Variants in NT5DC3 observed in about 807,000 individuals in gnomAD.
NT5DC3 encodes 5'-nucleotidase domain containing 3.
In NT5DC3, 42 loss-of-function variants were observed where a neutral mutation model predicts 67.8. The ratio of observed to expected loss-of-function variants is 0.62; its 90% CI spans 0.48 to 0.80. The LOEUF (loss-of-function observed/expected upper bound fraction) is 0.80, where lower values mean the gene tolerates loss of function less well. Among genes scored for constraint, NT5DC3 ranks in the 30% least tolerant of loss-of-function variants. The pLI, the probability that NT5DC3 is intolerant of heterozygous loss-of-function variation, is 0.00. For missense variants in NT5DC3, 570 were observed against 696.4 expected, an observed-to-expected ratio of 0.82 and a Z score of 2.04; for synonymous variants, 237 against 255.6, an observed-to-expected ratio of 0.93 and a Z score of 0.69.
the NT5DC3 span, chr12:103,755,443 G>C: frequency 2.5e-6 from 4 of 1,614,108 alleles, no homozygotes; most frequent in Non-Finnish European, 3.4e-6. Flanking sequence ...TGAAATGTGG[G>C]ATGTCTTCTG....
the NT5DC3 span, chr12:103,748,922 A>G: frequency 1.3e-4 from 210 of 1,583,296 alleles, 1 homozygote; most frequent in East Asian, 4.7e-3. Context: ...CTAGTTCCAC[A>G]GAAGGTGGTA....
chr12:103,787,532 A>G lies in NT5DC3; in HGVS notation c.1102-5T>C. The G allele has an allele frequency of 2.7e-6, 4 of 1,501,370 alleles. No homozygotes were observed. The highest frequency in any genetic ancestry group is 1.2e-5 in the South Asian group (1 of 84,604). 93.0% of individuals were successfully genotyped at this position (1,501,370 alleles called of 1,614,324 possible). ...CAAAAATTCATATAAATTACCCTGT[A>G]ATCAGAGAAAACTATAGTTATTATT... On this transcript the variant is annotated splice_polypyrimidine_tract_variant and splice_region_variant and intron_variant, in intron 10 of 13. Transcript: ENST00000392876.
intron 5 of NT5DC3, 111 bp from the exon 6 acceptor site, chr12:103,797,142 T>C (rs1187641154): frequency 3.5e-6 from 4 of 1,134,834 alleles, no homozygotes; most frequent in African/African-American, 3.1e-5. Context: ...CGAGATCCCA[T>C]CATCAACACA....
At chr12:103,784,612 G>A (rs1015975376) in intron 12 of NT5DC3, among the ~76,000 whole-genome samples, 1 of 152,256 alleles carries the variant, frequency 6.6e-6, no homozygotes, top group Non-Finnish European at 1.5e-5. Flanking sequence ...CACCCATGCT[G>A]AGACGGCTGT....
At chr12:103,814,092 T>G (rs57173983) in intron 2 of NT5DC3, among the ~76,000 whole-genome samples, 15,468 of 152,236 alleles carry the variant, frequency 0.1, 1,106 homozygotes, top group East Asian at 0.29. Context: ...TCTACCCACG[T>G]GACCGACGAC....
intron 1 of NT5DC3, among the ~76,000 whole-genome samples, chr12:103,837,652 C>T (rs962571249): frequency 7.2e-5 from 11 of 152,258 alleles, no homozygotes; most frequent in African/African-American, 2.7e-4. Flanking sequence ...TGCCGCCAAC[C>T]TCTTTGCTAA....
chr12:103,809,444 GTGAGTGACTATA>G (rs1294681667), intron 2 of NT5DC3, among the ~76,000 whole-genome samples: 1 of 152,204 alleles, frequency 6.6e-6, no homozygotes, highest in Non-Finnish European at 1.5e-5. Context: ...AAAGACCACA[GTGAGTGACTATA>G]TGAGTCCGTT....
At chr12:103,787,301 G>C (rs979031117) in intron 11 of NT5DC3, 140 bp downstream of exon 11, 1 of 445,132 alleles carries the variant, frequency 2.2e-6, no homozygotes, top group African/African-American at 2.0e-5. Context: ...CCTACTTTTA[G>C]GTTTTATGAA....
At chr12:103,801,714 T>G (rs1386139958) in intron 4 of NT5DC3, among the ~76,000 whole-genome samples, 2 of 152,070 alleles carry the variant, frequency 1.3e-5, no homozygotes, top group Non-Finnish European at 2.9e-5. Context: ...ATTTAACACA[T>G]TAGGGCAGAG....
chr12:103,811,062 A>C (rs1357656300), intron 2 of NT5DC3, among the ~76,000 whole-genome samples: 2 of 152,364 alleles, frequency 1.3e-5, no homozygotes, highest in East Asian at 3.9e-4. Flanking sequence ...CCTTACCTGC[A>C]GAACTCACGG....
chr12:103,746,685 T>A, the NT5DC3 span: 1 of 1,613,950 alleles, frequency 6.2e-7, no homozygotes. Context: ...ATTATGAAGG[T>A]GACGGAATCA....
chr12:103,807,256 C>T (rs1886839780), intron 2 of NT5DC3, among the ~76,000 whole-genome samples: 1 of 152,156 alleles, frequency 6.6e-6, no homozygotes, highest in Non-Finnish European at 1.5e-5. Flanking sequence ...TCCCTAAGAC[C>T]CCAGGAACAC....
At chr12:103,771,924 T>C (rs1291103191), downstream of NT5DC3, among the ~76,000 whole-genome samples, 1 of 152,140 alleles carries the variant, frequency 6.6e-6, no homozygotes, top group East Asian at 1.9e-4. Context: ...GGGACAGATT[T>C]GCTAGTGAGT....
In NT5DC3 at chr12:103,841,107, GC is replaced by G; in HGVS notation, c.49del (p.Ala17GlnfsTer37). 8.9e-7 allele frequency: 1 copy of G among 1,126,890 alleles called. No homozygotes were observed. The allele number at this position is 1,126,890 out of a possible 1,614,324, so 69.8% of individuals were successfully genotyped here. ...AVVARGAGAR[A>X]ATAAALRGGC... ...ACCCCGCAAAGCCGCCGCTGTCGCT[GC>G]CCTCGCCCCGGCCCCGCGTGCCACC... On this transcript the variant is annotated frameshift_variant, in exon 1 of 14. Coordinates refer to ENST00000392876, the MANE Select transcript of NT5DC3 (RefSeq NM_001031701.3). LOFTEE classifies it high-confidence loss of function.
At chr12:103,786,760 G>A (rs1367238040) in intron 11 of NT5DC3, among the ~76,000 whole-genome samples, 2 of 146,254 alleles carry the variant, frequency 1.4e-5, no homozygotes, top group Non-Finnish European at 1.5e-5. Flanking sequence ...TCAGCTCACT[G>A]CAGTTTCCAC....
rs149006335 is a variant in NT5DC3 at position 103,809,752 on chromosome 12, G to A, written c.394-2823C>T. On this transcript the variant is annotated intron_variant, in intron 2 of 13. Transcript: ENST00000392876. ...CCCATGACACGTGGGGATTATGGGA[G>A]CTACAATTCAAGATGAGATTTGGGT... Among the ~76,000 whole-genome samples, 168 of 152,272 alleles carry A rather than the reference G, an allele frequency of 1.1e-3. 3 individuals are homozygous for A. In the East Asian group the frequency reaches 0.024, roughly 21 times the overall value.
At chr12:103,840,522 CCG>C (rs1490004991) in intron 1 of NT5DC3, among the ~76,000 whole-genome samples, 1 of 151,210 alleles carries the variant, frequency 6.6e-6, no homozygotes, top group Non-Finnish European at 1.5e-5. Flanking sequence ...CCCAGCAGCC[CCG>C]CTCTTGGGCA....
chr12:103,793,462 C>G lies in NT5DC3; in HGVS notation c.865G>C (p.Ala289Pro). The change falls in exon 8 of 14, where the codon GCT becomes CCT. Residue 289 changes from alanine to proline, a missense_variant. Physicochemically the swap from Ala to Pro is conservative, Grantham distance 27 (BLOSUM62 -1). Coordinates refer to ENST00000392876, the MANE Select transcript of NT5DC3 (RefSeq NM_001031701.3). ...AGAAACATCTTCTTGCCATGATCAG[C>G]CAGTTTGGCCAACACTGCGCGGGTC... ...EQTRAVLAKL[A>P]DHGKKMFLIT... 6.2e-7 allele frequency: 1 copy of G among 1,614,200 alleles called. No homozygotes were observed. Among genetic ancestry groups the G allele is most frequent in the Non-Finnish European group, 8.5e-7 (1 of 1,180,028 alleles).
In NT5DC3 at chr12:103,777,042, A is replaced by C. The variant is rs1361088216; in HGVS notation, c.*787T>G. The C allele has an allele frequency of 6.6e-6, 1 of 152,182 alleles. No individual in the cohort carries two copies. Among genetic ancestry groups the C allele is most frequent in the African/African-American group, 2.4e-5 (1 of 41,442 alleles). The allele number at this position is 152,182 out of a possible 1,614,324, so 9.4% of individuals were successfully genotyped here. A position where few individuals can be genotyped will look rare whatever the true frequency, so the allele number is the denominator to read the frequency against. On this transcript the variant is annotated 3_prime_UTR_variant, in exon 14 of 14. Transcript: ENST00000392876. The stretch of plus-strand genomic sequence containing the variant: ...GGTTTAACAAGCTCCTGGGAGACCT[A>C]CCACAAATGTTTTGGTTCTTCAAAC...
Sources: gnomAD v4.1 joint callset for allele counts (sites outside exome capture counted in the v4.1 genomes callset) on GRCh38, gnomAD v4.1.1 for gene constraint, MANE v1.5 for transcripts, NCBI Gene and HGNC (gene_info 2026-07-23, HGNC 2026-07-21) for gene names.